GRHL3: variants seen among roughly 807,000 people sequenced by gnomAD.
The protein encoded by GRHL3 is grainyhead like transcription factor 3, also known as grainyhead-like protein 3 homolog.
A neutral mutation model predicts 70.3 loss-of-function variants in GRHL3; 20 were observed. The observed-to-expected ratio is 0.28, with a 90% CI of 0.20 to 0.41. GRHL3 has a LOEUF of 0.41. Ranked by LOEUF, GRHL3 falls within the 10% of genes least tolerant of loss-of-function variation. The probability of loss-of-function intolerance (pLI) is 1.00; values close to 1 mark genes in which losing one functional copy is unlikely to be tolerated. For synonymous variants in GRHL3, 299 were observed against 299.9 expected (o/e 1.00, Z 0.03); for missense variants, 637 against 762.3 (o/e 0.84, Z 1.94).
Position 24,337,140 on chromosome 1 carries a change from C to A in GRHL3, c.675C>A (p.Pro225=). Residue 225 remains proline (P), a synonymous_variant, in exon 5 of 16, where the codon CCC becomes CCA. Coordinates refer to ENST00000361548, the MANE Select transcript of GRHL3 (RefSeq NM_198173.3). ...SPEPPCPEDY[P]SLKSDFEYTL... The stretch of plus-strand genomic sequence containing the variant: ...AACCCCCATGTCCAGAGGACTACCC[C>A]AGCCTCAAAAGGTAACTTGGTCTCC... 4.3e-6 allele frequency: 7 copies of A among 1,613,696 alleles called. No homozygotes were observed. The highest frequency in any genetic ancestry group is 5.9e-6 in the Non-Finnish European group (7 of 1,179,678).
Position 24,352,293 on chromosome 1 carries a change from C to T in GRHL3, c.1695-2081C>T, listed in dbSNP as rs535259712. Among the ~76,000 whole-genome samples, 39 of 152,250 alleles carry T rather than the reference C, an allele frequency of 2.6e-4. 1 individual carries two copies. In the South Asian group the frequency reaches 6.2e-3, roughly 24 times the overall value. On this transcript the variant is annotated intron_variant, in intron 15 of 15. Coordinates refer to ENST00000361548, the MANE Select transcript of GRHL3 (RefSeq NM_198173.3). ...CTGGTTTATTTTCATAAAACCCTCCCGAAAGTCCTCTGGATGAAGGTGGAT... is the reference window on the plus strand; with the variant it reads ...CTGGTTTATTTTCATAAAACCCTCCTGAAAGTCCTCTGGATGAAGGTGGAT...
In GRHL3 at chr1:24,337,637, G is replaced by A; in HGVS notation, c.688G>A (p.Asp230Asn). The stretch of plus-strand genomic sequence containing the variant: ...CTGTCCTCTCCCTCCTCCCTGCAGT[G>A]ACTTTGAATACACCCTGGGCTCCCC... The part of the protein sequence containing the change: ...CPEDYPSLKS[D>N]FEYTLGSPKA... Residue 230 changes from aspartate to asparagine, a missense_variant and splice_region_variant, in exon 6 of 16, where the codon GAC becomes AAC. Coordinates refer to ENST00000361548, the MANE Select transcript of GRHL3 (RefSeq NM_198173.3). The A allele has an allele frequency of 6.2e-7, 1 of 1,614,060 alleles. No homozygotes were observed. Among genetic ancestry groups the A allele is most frequent in the South Asian group, 1.1e-5 (1 of 91,064 alleles).
chr1:24,343,234 G>C (rs913490376), intron 11 of GRHL3: 1 of 557,966 alleles, frequency 1.8e-6, no homozygotes, highest in Non-Finnish European at 3.1e-6. Flanking sequence ...TGAAGAAACA[G>C]ATTTCGTAAC....
chr1:24,347,120 G>A (rs1382759254), intron 13 of GRHL3, among the ~76,000 whole-genome samples: 4 of 152,192 alleles, frequency 2.6e-5, no homozygotes, highest in Admixed American at 6.5e-5. Context: ...CGAGCTTTGC[G>A]TGGCACCTCG....
At chr1:24,353,409 G>A (rs1408189224) in intron 15 of GRHL3, among the ~76,000 whole-genome samples, 1 of 151,832 alleles carries the variant, frequency 6.6e-6, no homozygotes, top group Non-Finnish European at 1.5e-5. Flanking sequence ...GGGTGGGGGT[G>A]TGGGTAGATG....
Position 24,361,186 on chromosome 1 carries a change from G to C in GRHL3, c.1695-2999G>C, listed in dbSNP as rs193089326. 1.2e-4 allele frequency: 86 copies of C among 694,264 alleles called. No homozygotes were observed. In the African/African-American group the frequency reaches 1.4e-3, roughly 11 times the overall value. 43.0% of individuals were successfully genotyped at this position (694,264 alleles called of 1,614,324 possible). A position where few individuals can be genotyped will look rare whatever the true frequency, so the allele number is the denominator to read the frequency against. Reference sequence around the variant, plus strand: ...ACTGGGGCAGAGCCCTAGCTCCACTGGTAGTGAGCTGGGGACCCCTGGATC... The same window carrying C: ...ACTGGGGCAGAGCCCTAGCTCCACTCGTAGTGAGCTGGGGACCCCTGGATC... On this transcript the variant is annotated intron_variant, in intron 15 of 15. Coordinates refer to the GRHL3 transcript ENST00000350501.
intron 15 of GRHL3, chr1:24,360,808 C>A: frequency 2.0e-6 from 3 of 1,530,640 alleles, no homozygotes; most frequent in South Asian, 2.5e-5. Context: ...CAAACAGTTC[C>A]AGAAGATTTG....
intron 15 of GRHL3, among the ~76,000 whole-genome samples, chr1:24,353,025 C>T (rs1338449462): frequency 6.6e-6 from 1 of 152,230 alleles, no homozygotes; most frequent in African/African-American, 2.4e-5. Context: ...TCCCATAGCC[C>T]TGGATTTTGC....
intron 1 of GRHL3, chr1:24,319,839 G>A (rs900327967): frequency 2.1e-6 from 2 of 973,892 alleles, no homozygotes; most frequent in African/African-American, 3.3e-5. Flanking sequence ...AACTGTGAAG[G>A]TTTCTGGCAC....
chr1:24,320,181 G>C (rs1444146717), intron 1 of GRHL3, among the ~76,000 whole-genome samples: 2 of 152,218 alleles, frequency 1.3e-5, no homozygotes, highest in African/African-American at 4.8e-5. Flanking sequence ...ATGCTTTGTA[G>C]AATTCTGGAA....
intron 8 of GRHL3, among the ~76,000 whole-genome samples, chr1:24,341,292 A>G (rs1344540903): frequency 6.6e-6 from 1 of 152,164 alleles, no homozygotes; most frequent in Non-Finnish European, 1.5e-5. Flanking sequence ...TATCAAGCCT[A>G]CACACCCCAC....
At chr1:24,345,031 TACACCTGTGCCCCCTCC>T (rs1640203196) in intron 12 of GRHL3, 100 bp downstream of exon 12, 34 of 578,192 alleles carry the variant, frequency 5.9e-5, no homozygotes, top group East Asian at 8.9e-5. Context: ...GTGCCCCCTC[TACACCTGTGCCCCCTCC>T]ACACCTGTGC....
rs1481899827 is a variant in GRHL3, at chr1:24,344,989, GCCC to G, written c.1454+61_1454+63del. 1.9e-5 allele frequency: 10 copies of G among 515,386 alleles called. No individual in the cohort carries two copies. The Admixed American group carries it at 2.3e-4, about 12-fold the overall frequency. The allele number at this position is 515,386 out of a possible 1,614,324, so 31.9% of individuals were successfully genotyped here. ...ACACCTGTGCACCCTCCACACCTGT[GCCC>G]CCTCCACACCTGTGCCTCCGCCACA... On this transcript the variant is annotated intron_variant, in intron 12 of 15. Coordinates refer to ENST00000361548, the MANE Select transcript of GRHL3 (RefSeq NM_198173.3).
At chr1:24,359,196 C>T (rs948864861), downstream of GRHL3, among the ~76,000 whole-genome samples, 4 of 152,182 alleles carry the variant, frequency 2.6e-5, no homozygotes, top group Non-Finnish European at 5.9e-5. This position sits in a 1 kb window ranked among gnomAD's most constrained non-coding sequence, Gnocchi z 5.3. Context: ...AGGCAGATGC[C>T]GGCACGTGCA....
intron 11 of GRHL3, among the ~76,000 whole-genome samples, chr1:24,344,243 G>A (rs145600939): frequency 1.3e-5 from 2 of 152,224 alleles, no homozygotes; most frequent in East Asian, 1.9e-4. Context: ...AGAGCTCTCT[G>A]CTCTCTCTAG....
At chr1:24,358,018 CT>C, downstream of GRHL3, 1 of 355,556 alleles carries the variant, frequency 2.8e-6, no homozygotes. Flanking sequence ...AAAGCATCAC[CT>C]GCCTGCAGGT....
chr1:24,320,758 C>T lies in GRHL3; in HGVS notation c.17+1190C>T, dbSNP rs146599762. On this transcript the variant is annotated intron_variant, in intron 1 of 15. Transcript: ENST00000361548. ...GCACATTTCTTTTGAATGAATTTCC[C>T]GGGGTTGACAATGTATTGACAATTG... is the stretch of plus-strand genomic sequence containing the variant. Among the ~76,000 whole-genome samples the T allele has an allele frequency of 9.4e-3, 1,436 of 152,214 alleles. 8 individuals carry two copies. The highest frequency in any genetic ancestry group is 0.023 in the South Asian group (112 of 4,826).
intron 15 of GRHL3, among the ~76,000 whole-genome samples, chr1:24,352,441 C>A (rs753548100): frequency 2.0e-5 from 3 of 152,166 alleles, no homozygotes; most frequent in Admixed American, 6.5e-5. Flanking sequence ...TGGCAAGTAA[C>A]AAGAGGCCCA....
chr1:24,339,461 A>T (rs891408620), intron 7 of GRHL3, among the ~76,000 whole-genome samples: 2 of 152,032 alleles, frequency 1.3e-5, no homozygotes, highest in Non-Finnish European at 2.9e-5. Flanking sequence ...TTGTATTTTT[A>T]GTAGAAACAG....
Sources: gnomAD v4.1 joint callset for allele counts (sites outside exome capture counted in the v4.1 genomes callset) on GRCh38, gnomAD v4.1.1 for gene constraint, Gnocchi (gnomAD v3.1) non-coding constraint, MANE v1.5 for transcripts, NCBI Gene and HGNC (gene_info 2026-07-23, HGNC 2026-07-21) for gene names.